MYO3B: variants seen among roughly 807,000 people sequenced by gnomAD.
MYO3B encodes the protein myosin IIIB, also known as myosin-IIIb.
Under a neutral mutation model 174.6 loss-of-function variants are expected in MYO3B, and 156 were observed. The observed-to-expected ratio is 0.89, with a 90% CI of 0.78 to 1.02. The LOEUF is 1.02. Among genes scored for constraint, MYO3B ranks in the 50% least tolerant of loss-of-function variants. The pLI, the probability that MYO3B is intolerant of heterozygous loss-of-function variation, is 0.00. For missense variants in MYO3B, 1,632 were observed against 1,639.4 expected (o/e 1.00, Z 0.08); for synonymous variants, 563 against 569.1 (o/e 0.99, Z 0.15).
At chr2:170,441,552 GC>G (rs1259668373) in intron 22 of MYO3B, among the ~76,000 whole-genome samples, 1 of 152,232 alleles carries the variant, frequency 6.6e-6, no homozygotes, top group African/African-American at 2.4e-5. Flanking sequence ...AGGCAGAGCA[GC>G]CCCAAGGGCT....
chr2:170,595,473 CTG>C (rs1484828093), intron 32 of MYO3B, among the ~76,000 whole-genome samples: 2 of 152,136 alleles, frequency 1.3e-5, no homozygotes, highest in Non-Finnish European at 2.9e-5. Flanking sequence ...GAGTCTCACT[CTG>C]TTACTCAGGC....
At chr2:170,642,258 A>G (rs1698033019) in intron 32 of MYO3B, among the ~76,000 whole-genome samples, 1 of 152,048 alleles carries the variant, frequency 6.6e-6, no homozygotes, top group African/African-American at 2.4e-5. Context: ...GCTCTGAGCT[A>G]TTGGTTTCAG....
intron 8 of MYO3B, chr2:170,350,571 A>G (rs1249740231): frequency 6.6e-6 from 1 of 152,180 alleles, no homozygotes; most frequent in Non-Finnish European, 1.5e-5. Context: ...GCCTTAGGGA[A>G]CTATGCAGAG....
intron 1 of MYO3B, among the ~76,000 whole-genome samples, chr2:170,196,437 G>A (rs1017568834): frequency 1.3e-5 from 2 of 152,164 alleles, no homozygotes; most frequent in South Asian, 4.1e-4. Flanking sequence ...GATTGCTTGA[G>A]CCCAGGAGGT....
rs201921789 is a variant in MYO3B, at chr2:170,374,758, TACACACACACAC to T, written c.971+5412_971+5423del. ...CTCTCTATATATATATATGCATACATACACACACACACACACACACACACACACACACACACA... is the reference window on the plus strand; with the variant it reads ...CTCTCTATATATATATATGCATACATACACACACACACACACACACACACA... On this transcript the variant is annotated intron_variant, in intron 9 of 34. Transcript: ENST00000408978. 1.3e-4 allele frequency among the ~76,000 whole-genome samples: 18 copies of T among 140,066 alleles called. No homozygotes were observed. In the East Asian group the frequency reaches 1.8e-3, roughly 14 times the overall value. The allele number at this position is 140,066 out of a possible 152,430, so 91.9% of individuals were successfully genotyped here.
At chr2:170,644,011 C>G (rs1459492233) in intron 32 of MYO3B, 1 of 152,122 alleles carries the variant, frequency 6.6e-6, no homozygotes, top group African/African-American at 2.4e-5. Context: ...GCATGTGTAG[C>G]CAAAATAGCT....
At chr2:170,499,441 A>C (rs1429236107) in intron 26 of MYO3B, among the ~76,000 whole-genome samples, 1 of 152,180 alleles carries the variant, frequency 6.6e-6, no homozygotes. Flanking sequence ...CTCATCATCT[A>C]TTTACATCAA....
chr2:170,264,790 C>T (rs559196764), intron 7 of MYO3B, among the ~76,000 whole-genome samples: 3 of 152,230 alleles, frequency 2.0e-5, no homozygotes, highest in South Asian at 4.1e-4. Flanking sequence ...TTGGATTTGA[C>T]ATTTGAGAGA....
intron 20 of MYO3B, among the ~76,000 whole-genome samples, 157 bp downstream of exon 20, chr2:170,404,557 G>A (rs2094498560): frequency 6.6e-6 from 1 of 152,132 alleles, no homozygotes; most frequent in Non-Finnish European, 1.5e-5. Context: ...AAGTGTTGTG[G>A]TAGAATTTGA....
intron 32 of MYO3B, among the ~76,000 whole-genome samples, chr2:170,632,700 T>C (rs539754646): frequency 6.6e-6 from 1 of 152,146 alleles, no homozygotes; most frequent in Admixed American, 6.5e-5. Flanking sequence ...CAGGAGCTGG[T>C]TTTTTGAAAA....
intron 7 of MYO3B, among the ~76,000 whole-genome samples, chr2:170,290,018 G>A (rs553962416): frequency 6.6e-6 from 1 of 152,104 alleles, no homozygotes; most frequent in Non-Finnish European, 1.5e-5. Flanking sequence ...AGTTCCTCCT[G>A]TTACTGATTT....
intron 9 of MYO3B, among the ~76,000 whole-genome samples, chr2:170,373,247 C>G (rs185820230): frequency 3.9e-5 from 6 of 152,218 alleles, no homozygotes; most frequent in Non-Finnish European, 8.8e-5. Flanking sequence ...TGGGCTGCCT[C>G]CCTGGCCTGG....
rs1163815399 is a variant in MYO3B at position 170,285,451 on chromosome 2, C to T, written c.749+49315C>T. Among the ~76,000 whole-genome samples, 4 of 152,106 alleles carry T rather than the reference C, an allele frequency of 2.6e-5. No homozygotes were observed. The East Asian group carries it at 7.7e-4, about 29-fold the overall frequency. Reference sequence around the variant, plus strand: ...TGGCACAATCTCGGCCCCTCTGCCTCCCAGGTTCAAGTGATTCTCCTGCCT... The same window carrying T: ...TGGCACAATCTCGGCCCCTCTGCCTTCCAGGTTCAAGTGATTCTCCTGCCT... On this transcript the variant is annotated intron_variant, in intron 7 of 34. Coordinates refer to ENST00000408978, the MANE Select transcript of MYO3B (RefSeq NM_138995.5).
chr2:170,570,119 T>C (rs1692339846), intron 32 of MYO3B, among the ~76,000 whole-genome samples: 1 of 152,170 alleles, frequency 6.6e-6, no homozygotes, highest in South Asian at 2.1e-4. Flanking sequence ...AAGATTAATA[T>C]ACTGAGATGC....
chr2:170,370,679 C>T (rs879511661), intron 9 of MYO3B, among the ~76,000 whole-genome samples: 7 of 144,872 alleles, frequency 4.8e-5, no homozygotes, highest in Non-Finnish European at 7.5e-5. Flanking sequence ...ACACACAGCA[C>T]CACCACCACC....
At chr2:170,615,233 C>A (rs923976498) in intron 32 of MYO3B, among the ~76,000 whole-genome samples, 1 of 152,214 alleles carries the variant, frequency 6.6e-6, no homozygotes, top group Non-Finnish European at 1.5e-5. Context: ...TTACTCAGTA[C>A]CTACCATGTA....
intron 8 of MYO3B, among the ~76,000 whole-genome samples, chr2:170,355,652 C>T (rs1301883875): frequency 1.5e-4 from 23 of 152,198 alleles, no homozygotes; most frequent in Admixed American, 1.2e-3. Flanking sequence ...GAATCGCTCC[C>T]TCCTTTGAGT....
At chr2:170,439,688 G>T (rs566403341) in intron 22 of MYO3B, among the ~76,000 whole-genome samples, 2 of 152,068 alleles carry the variant, frequency 1.3e-5, no homozygotes, top group Non-Finnish European at 2.9e-5. Context: ...TATAGTTTCA[G>T]TTCTTTTTTT....
intron 1 of MYO3B, among the ~76,000 whole-genome samples, chr2:170,194,991 T>C (rs2105326952): frequency 6.6e-6 from 1 of 152,170 alleles, no homozygotes; most frequent in Non-Finnish European, 1.5e-5. Context: ...AGTCTAGCCC[T>C]TCCGCGTTCT....
Sources: allele counts gnomAD v4.1 joint callset (sites outside exome capture counted in the v4.1 genomes callset), GRCh38; gene constraint gnomAD v4.1.1; transcripts MANE v1.5; gene names NCBI Gene and HGNC (gene_info 2026-07-23, HGNC 2026-07-21).